DNAJC10: variants seen among roughly 807,000 people sequenced by gnomAD.
The protein encoded by DNAJC10 is DnaJ heat shock protein family (Hsp40) member C10.
Under a neutral mutation model 115.0 loss-of-function variants are expected in DNAJC10, and 101 were observed. That is an observed-to-expected ratio of 0.88 (90% confidence interval 0.75 to 1.04). The LOEUF is 1.04. DNAJC10 is among the 50% of genes least tolerant of loss of function. The pLI is 0.00. For missense variants in DNAJC10, 981 were observed against 928.8 expected (o/e 1.06, Z -0.73); for synonymous variants, 307 against 301.5 (o/e 1.02, Z -0.19).
chr2:182,733,306 G>A (rs988538247), intron 10 of DNAJC10, among the ~76,000 whole-genome samples: 6 of 151,750 alleles, frequency 4.0e-5, no homozygotes, highest in African/African-American at 1.4e-4. Flanking sequence ...CACAAATTCT[G>A]TTTTATTTGA....
chr2:182,726,932 G>A (rs1693301058), intron 5 of DNAJC10, among the ~76,000 whole-genome samples: 1 of 151,846 alleles, frequency 6.6e-6, no homozygotes, highest in Non-Finnish European at 1.5e-5. Context: ...GTGTTTCCCA[G>A]GCTGGTCTCA....
rs1694834142 is a variant in DNAJC10, at chr2:182,781,091, A to G, written c.*3959A>G. On this transcript the variant is annotated 3_prime_UTR_variant, in exon 24 of 24. Coordinates refer to ENST00000264065, the MANE Select transcript of DNAJC10 (RefSeq NM_018981.4). ...CATCAACCTGTCATCTACATTAGCT[A>G]TTTCTTCTAATGTTGTCCTTCCCCT... 6.6e-6 allele frequency: 1 copy of G among 151,772 alleles called. No individual in the cohort carries two copies. The highest frequency in any genetic ancestry group is 6.6e-5 in the Admixed American group (1 of 15,228). 9.4% of individuals were successfully genotyped at this position (151,772 alleles called of 1,614,324 possible).
At position 182,777,204 on chromosome 2, in the gene DNAJC10, G is replaced by A. The variant is rs1430271617; in HGVS notation, c.*72G>A. 10 of 946,348 alleles carry A rather than the reference G, an allele frequency of 1.1e-5. No individual in the cohort carries two copies. In the East Asian group the frequency reaches 2.5e-4, roughly 24 times the overall value. 58.6% of individuals were successfully genotyped at this position (946,348 alleles called of 1,614,324 possible). On this transcript the variant is annotated 3_prime_UTR_variant, in exon 24 of 24. Transcript: ENST00000264065. The stretch of plus-strand genomic sequence containing the variant: ...ACATCAGAAGACACCTATTTAGAAT[G>A]TTACATTTATGATGGGAATGAATGA...
chr2:182,739,409 T>C (rs1191751785), intron 11 of DNAJC10: 2 of 533,282 alleles, frequency 3.8e-6, no homozygotes, highest in East Asian at 1.4e-4. Context: ...TTTTAGTGAA[T>C]TTTAGATCTT....
At chr2:182,755,150 A>C (rs749498344) in intron 17 of DNAJC10, 46 bp downstream of exon 17, 21 of 1,141,428 alleles carry the variant, frequency 1.8e-5, no homozygotes, top group Non-Finnish European at 2.8e-5. Context: ...GTCTGTTTCT[A>C]TGTAAACCCT....
At chr2:182,745,616 C>G (rs542230464) in intron 14 of DNAJC10, among the ~76,000 whole-genome samples, 13 of 151,840 alleles carry the variant, frequency 8.6e-5, no homozygotes, top group Non-Finnish European at 1.6e-4. Context: ...AAAATGTGAA[C>G]TATACTTAGT....
Position 182,783,298 on chromosome 2 carries a change from A to C in DNAJC10, c.*6166A>C, listed in dbSNP as rs1278727600. The C allele has an allele frequency of 6.6e-6, 1 of 152,236 alleles. No individual in the cohort carries two copies. The highest frequency in any genetic ancestry group is 6.5e-5 in the Admixed American group (1 of 15,270). The allele number at this position is 152,236 out of a possible 1,614,324, so 9.4% of individuals were successfully genotyped here. Reference sequence around the variant, plus strand: ...TTCTAAGTGGCTATTTATATTACCAAGCGGTAAAACATTAGCTAACTAAAA... The same window carrying C: ...TTCTAAGTGGCTATTTATATTACCACGCGGTAAAACATTAGCTAACTAAAA... On this transcript the variant is annotated 3_prime_UTR_variant, in exon 24 of 24. Transcript: ENST00000264065.
Position 182,718,293 on chromosome 2 carries a change from A to G in DNAJC10, c.204+3A>G. The G allele has an allele frequency of 6.3e-7, 1 of 1,581,092 alleles. No individual in the cohort carries two copies. Among genetic ancestry groups the G allele is most frequent in the Non-Finnish European group, 8.6e-7 (1 of 1,167,948 alleles). The stretch of plus-strand genomic sequence containing the variant: ...AGTTACATCCTGATAAAAACCCGGT[A>G]GGTAAACGTTTGTTTTTAAAAATAT... On this transcript the variant is annotated splice_donor_region_variant and intron_variant, in intron 3 of 23. Coordinates refer to ENST00000264065, the MANE Select transcript of DNAJC10 (RefSeq NM_018981.4).
At chr2:182,776,989 CATG>C in intron 23 of DNAJC10, 129 bp from the exon 24 acceptor site, 1 of 530,540 alleles carries the variant, frequency 1.9e-6, no homozygotes, top group East Asian at 3.3e-5. Flanking sequence ...TATTTCATGT[CATG>C]ATCCATTAAA....
chr2:182,721,148 G>A (rs571505327), intron 4 of DNAJC10, among the ~76,000 whole-genome samples: 20 of 152,168 alleles, frequency 1.3e-4, no homozygotes, highest in South Asian at 6.2e-4. Flanking sequence ...TCAAATGCAG[G>A]CTAAGAACTG....
chr2:182,717,633 G>A (rs1374244463), intron 2 of DNAJC10, among the ~76,000 whole-genome samples: 1 of 152,198 alleles, frequency 6.6e-6, no homozygotes, highest in African/African-American at 2.4e-5. Context: ...GTAGAAAGAG[G>A]AAGCACCTGT....
intron 5 of DNAJC10, among the ~76,000 whole-genome samples, chr2:182,724,450 C>G (rs1252452879): frequency 2.0e-5 from 3 of 151,976 alleles, no homozygotes; most frequent in Admixed American, 2.0e-4. Context: ...CCATATGATT[C>G]CATGTTAAAA....
intron 11 of DNAJC10, among the ~76,000 whole-genome samples, chr2:182,738,043 A>G (rs1012584889): frequency 2.0e-5 from 3 of 152,238 alleles, no homozygotes; most frequent in African/African-American, 4.8e-5. Flanking sequence ...TACATTTTAT[A>G]TGCATACTTT....
intron 5 of DNAJC10, among the ~76,000 whole-genome samples, chr2:182,724,533 C>T (rs1156571076): frequency 3.3e-5 from 5 of 152,226 alleles, no homozygotes; most frequent in South Asian, 2.1e-4. Context: ...ATTCTAAATA[C>T]GTGCAACTAA....
chr2:182,770,580 G>A (rs1694534441), intron 22 of DNAJC10, among the ~76,000 whole-genome samples: 1 of 152,146 alleles, frequency 6.6e-6, no homozygotes, highest in Non-Finnish European at 1.5e-5. Context: ...TGTAGCAATT[G>A]TAAATGGGAG....
intron 14 of DNAJC10, among the ~76,000 whole-genome samples, chr2:182,746,968 C>T (rs1256645358): frequency 5.4e-4 from 82 of 151,642 alleles, no homozygotes; most frequent in African/African-American, 1.9e-3. Flanking sequence ...GTTTTCCCAG[C>T]ACCATTTATT....
chr2:182,730,225 A>G (rs1306064616), intron 8 of DNAJC10, among the ~76,000 whole-genome samples: 2 of 152,218 alleles, frequency 1.3e-5, no homozygotes, highest in African/African-American at 4.8e-5. Context: ...TTGTAATACA[A>G]GTGTTTTATT....
rs777521052 is a variant in DNAJC10, at chr2:182,728,617, T to C, written c.460T>C (p.Tyr154His). Residue 154 changes from tyrosine (Y) to histidine (H), a missense_variant, in exon 6 of 24, where the codon TAC becomes CAC. Tyr to His is a moderately conservative substitution (Grantham distance 83). Coordinates refer to ENST00000264065, the MANE Select transcript of DNAJC10 (RefSeq NM_018981.4). ...NSGELWFVNF[Y>H]SPGCSHCHDL... is the part of the protein sequence containing the mutation. ...TGGAGAACTGTGGTTTGTAAATTTT[T>C]ACTCCCCAGGCTGTTCACACTGCCA... 8 of 1,612,626 alleles carry C rather than the reference T, an allele frequency of 5.0e-6. 1 individual carries two copies. In the East Asian group the frequency reaches 1.6e-4, roughly 31 times the overall value.
At position 182,740,333 on chromosome 2, in the gene DNAJC10, T is replaced by G. The variant is rs753563926; in HGVS notation, c.1022T>G (p.Leu341Trp). Residue 341 changes from leucine to tryptophan, a missense_variant, in exon 12 of 24, where the codon TTG (leucine) becomes TGG (tryptophan). By Grantham distance (61) the Leu-to-Trp change is moderately conservative (BLOSUM62 -2). Transcript: ENST00000264065. ...TCATTGGATGCTAAAGAAATATATT[T>G]GGAAGTAATACATAATCTTCCAGAT... ...LNSLDAKEIYLEVIHNLPDFE... is the reference protein window; with the variant it reads ...LNSLDAKEIYWEVIHNLPDFE... 2.6e-6 allele frequency: 4 copies of G among 1,542,324 alleles called. No homozygotes were observed. Among genetic ancestry groups the G allele is most frequent in the South Asian group, 2.6e-5 (2 of 77,480 alleles).
Sources: allele counts gnomAD v4.1 joint callset (sites outside exome capture counted in the v4.1 genomes callset), GRCh38; gene constraint gnomAD v4.1.1; transcripts MANE v1.5; gene names NCBI Gene and HGNC (gene_info 2026-07-23, HGNC 2026-07-21).